Variants in HDLBP observed in about 807,000 individuals in gnomAD.
The protein encoded by HDLBP is vigilin.
HDLBP carries 30 observed loss-of-function variants against 137.3 expected under a neutral mutation model. That is an observed-to-expected ratio of 0.22 (90% CI 0.16 to 0.30). The LOEUF is 0.30. HDLBP is among the 10% of genes least tolerant of loss of function. The pLI is 1.00. For synonymous variants in HDLBP, 606 were observed against 596.0 expected (o/e 1.02, Z -0.24); for missense variants, 1,119 against 1,667.3 (o/e 0.67, Z 5.73).
At chr2:241,306,942 C>A (rs997676818) in intron 1 of HDLBP, among the ~76,000 whole-genome samples, 1 of 129,046 alleles carries the variant, frequency 7.7e-6, no homozygotes, top group African/African-American at 2.9e-5. Context: ...CTGATAAGAA[C>A]AGGTCCAGGG....
chr2:241,256,894 A>T (rs1574939168), intron 5 of HDLBP, 88 bp from the exon 6 acceptor site: 1 of 1,098,756 alleles, frequency 9.1e-7, no homozygotes. Flanking sequence ...CAGAAACACC[A>T]TCTTTGCTTA....
rs2073693968 is a variant in HDLBP at position 241,266,617 on chromosome 2, G to T, written c.76+177C>A. On this transcript the variant is annotated intron_variant, in intron 3 of 27. Transcript: ENST00000310931. ...TACTTGATTCATTTCCTCATGCCTG[G>T]CCAGTCGCCCCTGCACGCACAGCAA... 8.6e-6 allele frequency: 5 copies of T among 580,372 alleles called. No individual in the cohort carries two copies. In the East Asian group the frequency reaches 1.4e-4, roughly 16 times the overall value. The allele number at this position is 580,372 out of a possible 1,614,324, so 36.0% of individuals were successfully genotyped here. A position where few individuals can be genotyped will look rare whatever the true frequency, so the allele number is the denominator to read the frequency against.
chr2:241,228,548 G>A lies in HDLBP; in HGVS notation c.*1053C>T, dbSNP rs1479444142. 1 of 152,444 alleles carries A rather than the reference G, an allele frequency of 6.6e-6. No individual in the cohort carries two copies. Among genetic ancestry groups the A allele is most frequent in the Non-Finnish European group, 1.5e-5 (1 of 68,092 alleles). The allele number at this position is 152,444 out of a possible 1,614,324, so 9.4% of individuals were successfully genotyped here. A position where few individuals can be genotyped will look rare whatever the true frequency, so the allele number is the denominator to read the frequency against. On this transcript the variant is annotated 3_prime_UTR_variant, in exon 28 of 28. Transcript: ENST00000310931. ...CTGGCCACTGACCCACCTGTGCTGA[G>A]GGAGAGCGCCAGCCTCCAGCTTAGG...
intron 24 of HDLBP, among the ~76,000 whole-genome samples, chr2:241,232,824 A>G (rs1157861137): frequency 1.3e-5 from 2 of 151,774 alleles, no homozygotes; most frequent in Non-Finnish European, 2.9e-5. Context: ...CTCAAAAAAA[A>G]GAACTAAACT....
At chr2:241,251,102 A>G (rs1410410696) in intron 11 of HDLBP, 3 of 152,146 alleles carry the variant, frequency 2.0e-5, no homozygotes, top group Non-Finnish European at 4.4e-5. Flanking sequence ...CCTCCAGAGC[A>G]GCGGGGACCA....
intron 1 of HDLBP, among the ~76,000 whole-genome samples, chr2:241,309,788 G>C (rs1329082991): frequency 6.6e-6 from 1 of 152,244 alleles, no homozygotes; most frequent in Non-Finnish European, 1.5e-5. Flanking sequence ...TGAAAAGAGG[G>C]AAGTAAGCTC....
rs762619478 is a variant in HDLBP at position 241,239,863 on chromosome 2, G to C, written c.2391+38C>G. On this transcript the variant is annotated intron_variant, in intron 18 of 27. Coordinates refer to ENST00000310931, the MANE Select transcript of HDLBP (RefSeq NM_005336.6). This position sits in a 1 kb window ranked among gnomAD's most constrained non-coding sequence, Gnocchi z 4.6. ...GATGGAAGATAAGCCACCCCATCAC[G>C]GCCCCAGCAGAGTCGGCCGCCGAGG... The C allele has an allele frequency of 4.3e-6, 7 of 1,611,428 alleles. No homozygotes were observed. Among genetic ancestry groups the C allele is most frequent in the African/African-American group, 1.3e-5 (1 of 74,804 alleles).
chr2:241,265,728 T>C (rs758546214), intron 3 of HDLBP, among the ~76,000 whole-genome samples: 1 of 152,240 alleles, frequency 6.6e-6, no homozygotes, highest in South Asian at 2.1e-4. Context: ...GACAGGCTCA[T>C]GCCCAAGTCC....
Position 241,240,036 on chromosome 2 carries a change from C to G in HDLBP, c.2256G>C (p.Lys752Asn), listed in dbSNP as rs893602391. The G allele has an allele frequency of 6.2e-7, 1 of 1,614,100 alleles. No individual in the cohort carries two copies. The highest frequency in any genetic ancestry group is 8.5e-7 in the Non-Finnish European group (1 of 1,180,046). The change falls in exon 18 of 28, where the codon AAG becomes AAC. Residue 752 changes from lysine to asparagine, a missense_variant. By Grantham distance (94) the Lys-to-Asn change is moderately conservative. Coordinates refer to ENST00000310931, the MANE Select transcript of HDLBP (RefSeq NM_005336.6). The surrounding 1 kb of genome is among the most constrained non-coding windows in gnomAD (Gnocchi z 5.5). ...CACGTGCTCCAGTGCTGTCGCGCAC[C>G]TTGCGAATTTTGCCGCCCCCCTTGC... Reference protein sequence around the residue: ...LIGKGGGKIRKVRDSTGARVI... With the variant: ...LIGKGGGKIRNVRDSTGARVI...
intron 1 of HDLBP, among the ~76,000 whole-genome samples, chr2:241,291,809 A>C (rs1217698030): frequency 6.6e-6 from 1 of 152,164 alleles, no homozygotes; most frequent in Non-Finnish European, 1.5e-5. Flanking sequence ...AACCACAATC[A>C]CAAGTGTCCT....
chr2:241,253,324 T>G, intron 10 of HDLBP, 69 bp downstream of exon 10: 2 of 1,049,906 alleles, frequency 1.9e-6, no homozygotes, highest in Middle Eastern at 2.0e-4. Context: ...CATCGAGAGA[T>G]GACCGCCCAT....
In HDLBP at chr2:241,230,004, C is replaced by A. The variant is rs1427799398; in HGVS notation, c.3592-43G>T. 1.9e-6 allele frequency: 3 copies of A among 1,555,850 alleles called. No individual in the cohort carries two copies. The highest frequency in any genetic ancestry group is 2.6e-6 in the Non-Finnish European group (3 of 1,145,344). On this transcript the variant is annotated intron_variant, in intron 26 of 27. Coordinates refer to ENST00000310931, the MANE Select transcript of HDLBP (RefSeq NM_005336.6). This position sits in a 1 kb window ranked among gnomAD's most constrained non-coding sequence, Gnocchi z 5.0. Reference sequence around the variant, plus strand: ...GAAGACAGGGTCAGTCTGCCCAGCACCCCCAGCATCCCGCCCGCCTGCTCA... The same window carrying A: ...GAAGACAGGGTCAGTCTGCCCAGCAACCCCAGCATCCCGCCCGCCTGCTCA...
intron 1 of HDLBP, among the ~76,000 whole-genome samples, chr2:241,295,207 G>C (rs2075133543): frequency 6.6e-6 from 1 of 152,148 alleles, no homozygotes; most frequent in African/African-American, 2.4e-5. Flanking sequence ...TTTCTATGGA[G>C]TTTAACATCA....
At chr2:241,250,919 T>TCTCGG (rs1271712665) in intron 11 of HDLBP, 1 of 151,972 alleles carries the variant, frequency 6.6e-6, no homozygotes, top group African/African-American at 2.4e-5. Context: ...TTCTGCAATT[T>TCTCGG]CTCGGGGGCA....
intron 16 of HDLBP, among the ~76,000 whole-genome samples, chr2:241,246,296 A>G (rs1447374619): frequency 6.6e-6 from 1 of 152,118 alleles, no homozygotes; most frequent in Non-Finnish European, 1.5e-5. Flanking sequence ...GGTTTTCAGG[A>G]GCTGCCAAGT....
chr2:241,243,910 C>T (rs935560549), intron 16 of HDLBP, among the ~76,000 whole-genome samples: 23 of 151,980 alleles, frequency 1.5e-4, no homozygotes, highest in Admixed American at 7.2e-4. Flanking sequence ...AAACCCATAA[C>T]GAGGAAAAGA....
Position 241,242,581 on chromosome 2 carries a change from C to T in HDLBP, c.2048G>A (p.Cys683Tyr). The T allele has an allele frequency of 1.2e-6, 2 of 1,614,224 alleles. No individual in the cohort carries two copies. The highest frequency in any genetic ancestry group is 1.3e-5 in the African/African-American group (1 of 75,064). ...GRLIRSIMEE[C>Y]GGVHIHFPVE... ...GGGAAAGTGAATGTGGACCCCGCCGCACTCCTCCATGATGGAGCGGATCAG... is the reference window on the plus strand; with the variant it reads ...GGGAAAGTGAATGTGGACCCCGCCGTACTCCTCCATGATGGAGCGGATCAG... Residue 683 changes from cysteine (C) to tyrosine (Y), a missense_variant, in exon 17 of 28, where the codon TGC (cysteine) becomes TAC (tyrosine). This residue lies in a region of HDLBP where 618 missense variants were observed against 816.7 expected (regional missense o/e 0.76). Transcript: ENST00000310931.
intron 1 of HDLBP, among the ~76,000 whole-genome samples, chr2:241,281,699 T>C (rs878972202): frequency 6.6e-6 from 1 of 152,212 alleles, no homozygotes; most frequent in Admixed American, 6.5e-5. Context: ...AAAATATACA[T>C]CAGATTTTGA....
At chr2:241,312,907 T>C (rs2075795947) in intron 1 of HDLBP, among the ~76,000 whole-genome samples, 1 of 152,220 alleles carries the variant, frequency 6.6e-6, no homozygotes, top group African/African-American at 2.4e-5. Context: ...TAAAACTCAC[T>C]GAAGGGCATC....
Sources: allele counts gnomAD v4.1 joint callset (sites outside exome capture counted in the v4.1 genomes callset), GRCh38; gene constraint gnomAD v4.1.1; regional missense constraint gnomAD v4.1.1; non-coding constraint Gnocchi (gnomAD v3.1); transcripts MANE v1.5; gene names NCBI Gene and HGNC (gene_info 2026-07-23, HGNC 2026-07-21).